The following TBC1D1 variants were observed in gnomAD, a reference collection of about 807,000 sequenced individuals.
TBC1D1 encodes the protein TBC1 (tre-2/USP6, BUB2, cdc16) domain family, member 1.
A neutral mutation model predicts 125.6 loss-of-function variants in TBC1D1; 89 were observed. The ratio of observed to expected loss-of-function variants is 0.71; its 90% CI spans 0.60 to 0.85. TBC1D1 has a LOEUF of 0.85. Among genes scored for constraint, TBC1D1 ranks in the 40% least tolerant of loss-of-function variants. The pLI is 0.00. For missense variants in TBC1D1, 1,377 were observed against 1,469.2 expected (o/e 0.94, Z 1.03); for synonymous variants, 565 against 564.1 (o/e 1.00, Z -0.02).
intron 2 of TBC1D1, among the ~76,000 whole-genome samples, chr4:37,933,771 C>A (rs775302921): frequency 2.1e-4 from 32 of 151,866 alleles, no homozygotes; most frequent in Non-Finnish European, 3.1e-4. Context: ...TCGGAATCAC[C>A]ATGGGTAGGC....
chr4:38,055,664 G>A (rs1751576868), intron 12 of TBC1D1, among the ~76,000 whole-genome samples: 1 of 152,034 alleles, frequency 6.6e-6, no homozygotes, highest in Non-Finnish European at 1.5e-5. Context: ...TATTCCTGCC[G>A]TGGGTGGCCC....
At chr4:37,985,345 T>C (rs771624605) in intron 2 of TBC1D1, among the ~76,000 whole-genome samples, 7 of 152,352 alleles carry the variant, frequency 4.6e-5, no homozygotes, top group Admixed American at 1.3e-4. Context: ...GGAAGAGTGG[T>C]GAACAAGTAC....
Position 37,919,840 on chromosome 4 carries a change from C to T in TBC1D1, c.417+17328C>T, listed in dbSNP as rs577440595. Among the ~76,000 whole-genome samples the T allele has an allele frequency of 4.6e-5, 7 of 152,192 alleles. 1 individual carries two copies. The South Asian group carries it at 8.3e-4, about 18-fold the overall frequency. ...AACATTAACTATCTGTGGCCAGGCG[C>T]GGTGGCTCACGCCTGTAATCCCAGC... On this transcript the variant is annotated intron_variant, in intron 2 of 19. Coordinates refer to ENST00000261439, the MANE Select transcript of TBC1D1 (RefSeq NM_015173.4).
intron 2 of TBC1D1, among the ~76,000 whole-genome samples, chr4:37,953,933 G>A (rs1303910041): frequency 6.6e-6 from 1 of 152,080 alleles, no homozygotes; most frequent in Non-Finnish European, 1.5e-5. Context: ...TAGATTATCA[G>A]GCTCCACTTC....
intron 2 of TBC1D1, among the ~76,000 whole-genome samples, chr4:37,941,981 T>C (rs546830786): frequency 6.6e-6 from 1 of 152,370 alleles, no homozygotes; most frequent in Admixed American, 6.5e-5. Context: ...GATGTGGTGC[T>C]GAGAAGAATG....
chr4:38,052,728 G>GCGCGCGCGCACACACA (rs1491148206), intron 11 of TBC1D1, among the ~76,000 whole-genome samples: 2 of 118,276 alleles, frequency 1.7e-5, no homozygotes, highest in African/African-American at 7.0e-5. Flanking sequence ...GCGCGCGCGC[G>GCGCGCGCGCACACACA]CACACACACA....
chr4:37,972,365 C>T (rs564940466), intron 2 of TBC1D1, among the ~76,000 whole-genome samples: 29 of 151,156 alleles, frequency 1.9e-4, no homozygotes, highest in African/African-American at 7.0e-4. Context: ...CCTATAATCT[C>T]AACTACTCAG....
At chr4:37,963,896 G>C (rs1456874020) in intron 2 of TBC1D1, among the ~76,000 whole-genome samples, 1 of 152,124 alleles carries the variant, frequency 6.6e-6, no homozygotes, top group Admixed American at 6.5e-5. Context: ...TTTGTACTTG[G>C]CATTTGGTGC....
intron 12 of TBC1D1, among the ~76,000 whole-genome samples, chr4:38,080,857 A>T (rs1166144296): frequency 6.6e-6 from 1 of 152,178 alleles, no homozygotes; most frequent in Non-Finnish European, 1.5e-5. Flanking sequence ...TTCTGCGATG[A>T]ATTGAATGCA....
chr4:37,957,479 C>T (rs1729152124), intron 2 of TBC1D1, among the ~76,000 whole-genome samples: 1 of 152,060 alleles, frequency 6.6e-6, no homozygotes, highest in African/African-American at 2.4e-5. Flanking sequence ...ATTACCTGGG[C>T]ATGGGGGTGC....
At chr4:38,089,535 C>T (rs775836554) in intron 12 of TBC1D1, among the ~76,000 whole-genome samples, 13 of 152,156 alleles carry the variant, frequency 8.5e-5, no homozygotes, top group Non-Finnish European at 1.6e-4. Flanking sequence ...TTATCATACC[C>T]ATGTCTTAGA....
intron 18 of TBC1D1, among the ~76,000 whole-genome samples, chr4:38,128,149 A>C (rs1156755800): frequency 1.3e-5 from 2 of 152,230 alleles, no homozygotes; most frequent in Non-Finnish European, 2.9e-5. Context: ...CAATTCTCAG[A>C]ACCTGAGGTG....
At chr4:38,017,743 C>T (rs548123840) in intron 3 of TBC1D1, among the ~76,000 whole-genome samples, 32 of 152,278 alleles carry the variant, frequency 2.1e-4, no homozygotes, top group African/African-American at 7.2e-4. Context: ...CTTAGCGCTC[C>T]AGAGACGAGG....
intron 12 of TBC1D1, 58 bp downstream of exon 14, chr4:38,054,396 G>C (rs1751292130): frequency 1.2e-6 from 2 of 1,605,330 alleles, no homozygotes; most frequent in Non-Finnish European, 8.5e-7. Flanking sequence ...AGGACCCTGG[G>C]AGCCCCATCA....
At chr4:38,017,712 C>CA (rs1743058099) in intron 3 of TBC1D1, among the ~76,000 whole-genome samples, 1 of 152,196 alleles carries the variant, frequency 6.6e-6, no homozygotes, top group South Asian at 2.1e-4. Flanking sequence ...TAGAAACCAA[C>CA]ACACACTGAA....
At chr4:38,035,975 C>A (rs1410964958) in intron 8 of TBC1D1, among the ~76,000 whole-genome samples, 2 of 152,116 alleles carry the variant, frequency 1.3e-5, no homozygotes, top group African/African-American at 4.8e-5. Context: ...TGGATGCCAC[C>A]AAGATGAGCT....
chr4:38,011,353 C>CA (rs547785950), intron 2 of TBC1D1, among the ~76,000 whole-genome samples: 1,143 of 70,998 alleles, frequency 0.016, 15 homozygotes, highest in African/African-American at 0.048. Context: ...AACTCCATCT[C>CA]AAAAAAAAAA....
chr4:38,051,826 C>A, intron 11 of TBC1D1, 73 bp from the exon 12 acceptor site: 1 of 1,448,184 alleles, frequency 6.9e-7, no homozygotes, highest in Non-Finnish European at 9.3e-7. Flanking sequence ...CTCCTTCCAC[C>A]TGTTTGCTCC....
intron 2 of TBC1D1, among the ~76,000 whole-genome samples, chr4:37,993,698 C>T (rs1034155766): frequency 7.2e-5 from 11 of 152,214 alleles, no homozygotes; most frequent in African/African-American, 2.4e-4. Context: ...TCTCCTGCCT[C>T]AGCCTCCCAA....
Sources: gnomAD v4.1 joint callset for allele counts (sites outside exome capture counted in the v4.1 genomes callset) on GRCh38, gnomAD v4.1.1 for gene constraint, MANE v1.5 for transcripts, NCBI Gene and HGNC (gene_info 2026-07-23, HGNC 2026-07-21) for gene names.